Variants in PLOD2 observed in about 807,000 individuals in gnomAD.
PLOD2 encodes procollagen-lysine,2-oxoglutarate 5-dioxygenase 2.
PLOD2 carries 65 observed loss-of-function variants against 101.0 expected under a neutral mutation model. That is an observed-to-expected ratio of 0.64 (90% confidence interval 0.53 to 0.79). The LOEUF is 0.79. Ranked by LOEUF, PLOD2 falls within the 30% of genes least tolerant of loss-of-function variation. PLOD2 has a pLI of 0.00. For synonymous variants in PLOD2, 314 were observed against 302.9 expected (o/e 1.04, Z -0.38); for missense variants, 909 against 914.6 (o/e 0.99, Z 0.08).
intron 2 of PLOD2, 73 bp from the exon 3 acceptor site, chr3:146,121,321 A>T: frequency 2.4e-6 from 3 of 1,253,202 alleles, no homozygotes; most frequent in Non-Finnish European, 3.5e-6. Flanking sequence ...ACTTAAAGAC[A>T]TCATCAACTT....
chr3:146,134,972 A>G (rs2031145793), intron 1 of PLOD2, among the ~76,000 whole-genome samples: 2 of 152,244 alleles, frequency 1.3e-5, no homozygotes, highest in South Asian at 4.1e-4. Flanking sequence ...CAGACCTGAT[A>G]AAGCGTGGTG....
chr3:146,124,178 C>A lies in PLOD2; in HGVS notation c.161G>T (p.Arg54Leu), dbSNP rs148641011. Reference protein sequence around the residue: ...VATKESDGFHRFMQSAKYFNY... With the variant: ...VATKESDGFHLFMQSAKYFNY... ...GAAATATTTGGCTGACTGCATAAAT[C>A]GATGGAATCCATCACTTTCTTTTGT... The change falls in exon 2 of 20, where the codon CGA becomes CTA. Residue 54 changes from arginine (R) to leucine (L), a missense_variant. Arg to Leu is a moderately radical substitution (Grantham distance 102). Transcript: ENST00000282903. The A allele has an allele frequency of 1.9e-6, 3 of 1,596,504 alleles. No homozygotes were observed. The highest frequency in any genetic ancestry group is 1.7e-6 in the Non-Finnish European group (2 of 1,164,850).
At chr3:146,134,391 T>C (rs1451967927) in intron 1 of PLOD2, among the ~76,000 whole-genome samples, 2 of 152,230 alleles carry the variant, frequency 1.3e-5, no homozygotes, top group African/African-American at 4.8e-5. Flanking sequence ...CTAGATATAA[T>C]TTTAATGTCA....
chr3:146,089,939 C>T (rs912897692), intron 8 of PLOD2, among the ~76,000 whole-genome samples: 1 of 151,352 alleles, frequency 6.6e-6, no homozygotes, highest in African/African-American at 2.4e-5. Context: ...ATTTAAGTAA[C>T]CCAGAACACA....
At chr3:146,146,919 A>C (rs1344573415) in intron 1 of PLOD2, among the ~76,000 whole-genome samples, 1 of 152,164 alleles carries the variant, frequency 6.6e-6, no homozygotes, top group Admixed American at 6.6e-5. Context: ...CCTGACCAAC[A>C]TAGGGTTCCT....
chr3:146,113,985 C>T lies in PLOD2; in HGVS notation c.339-3537G>A, dbSNP rs187847729. On this transcript the variant is annotated intron_variant, in intron 3 of 19. Transcript: ENST00000282903. ...CCTAGGGGTAGGTCTCTAAAATGGC[C>T]GCTCTAGGAATGTCTGTCTTACACG... Among the ~76,000 whole-genome samples, 22 of 152,154 alleles carry T rather than the reference C, an allele frequency of 1.4e-4. No individual in the cohort carries two copies. The East Asian group carries it at 2.1e-3, about 15-fold the overall frequency.
intron 1 of PLOD2, among the ~76,000 whole-genome samples, chr3:146,129,805 T>C (rs975057920): frequency 6.6e-5 from 10 of 152,182 alleles, no homozygotes; most frequent in Admixed American, 5.9e-4. Flanking sequence ...CAAGTAACTC[T>C]AGATACGCCT....
intron 5 of PLOD2, among the ~76,000 whole-genome samples, chr3:146,105,605 C>A (rs775143250): frequency 6.6e-6 from 1 of 152,212 alleles, no homozygotes; most frequent in Non-Finnish European, 1.5e-5. Context: ...ATTCACATGT[C>A]ATTTCAAAAT....
At chr3:146,113,807 A>T (rs1247970518) in intron 3 of PLOD2, among the ~76,000 whole-genome samples, 1 of 152,192 alleles carries the variant, frequency 6.6e-6, no homozygotes, top group African/African-American at 2.4e-5. Flanking sequence ...GATAACAGCG[A>T]TGTTCAGGGA....
At chr3:146,092,250 A>T (rs1045770824) in intron 7 of PLOD2, among the ~76,000 whole-genome samples, 1 of 152,112 alleles carries the variant, frequency 6.6e-6, no homozygotes, top group Non-Finnish European at 1.5e-5. Context: ...GGAAAAATAC[A>T]AATAAGAGTC....
chr3:146,078,475 A>C (rs369349509), intron 13 of PLOD2, among the ~76,000 whole-genome samples: 3 of 151,876 alleles, frequency 2.0e-5, no homozygotes, highest in African/African-American at 4.8e-5. Context: ...ACCAAAAATC[A>C]TATCAATATA....
chr3:146,115,105 A>T (rs1192903076), intron 3 of PLOD2, among the ~76,000 whole-genome samples: 4 of 152,098 alleles, frequency 2.6e-5, no homozygotes, highest in Admixed American at 6.6e-5. Context: ...CCAGCTTTAA[A>T]ATTTCTCTCT....
chr3:146,087,658 CAT>C (rs1936828423), intron 9 of PLOD2, among the ~76,000 whole-genome samples: 1 of 150,976 alleles, frequency 6.6e-6, no homozygotes, highest in African/African-American at 2.4e-5. Context: ...ATAAAAGCAA[CAT>C]AGAGTTAATA....
Position 146,106,650 on chromosome 3 carries a change from A to G in PLOD2, c.503-6T>C. On this transcript the variant is annotated splice_polypyrimidine_tract_variant and splice_region_variant and intron_variant, in intron 4 of 19. Coordinates refer to ENST00000282903, the MANE Select transcript of PLOD2 (RefSeq NM_182943.3). Reference sequence around the variant, plus strand: ...TGGAGCATAGCCAATAAATCCTGCAACACAGCAGAGAGAAAGTAGATAATT... The same window carrying G: ...TGGAGCATAGCCAATAAATCCTGCAGCACAGCAGAGAGAAAGTAGATAATT... 2.2e-6 allele frequency: 3 copies of G among 1,345,136 alleles called. No homozygotes were observed. Among genetic ancestry groups the G allele is most frequent in the African/African-American group, 2.9e-5 (2 of 69,670 alleles). The allele number at this position is 1,345,136 out of a possible 1,614,324, so 83.3% of individuals were successfully genotyped here.
At chr3:146,108,781 G>A (rs1421974609) in intron 4 of PLOD2, among the ~76,000 whole-genome samples, 2 of 152,048 alleles carry the variant, frequency 1.3e-5, no homozygotes, top group East Asian at 1.9e-4. Context: ...AACCACCTGA[G>A]TACATACATC....
intron 7 of PLOD2, among the ~76,000 whole-genome samples, chr3:146,099,882 T>A (rs1447612546): frequency 2.1e-5 from 3 of 142,630 alleles, no homozygotes; most frequent in East Asian, 4.0e-4. Flanking sequence ...GTGACCAACT[T>A]TTTTTTTTTT....
chr3:146,104,926 G>C (rs1937511248), intron 5 of PLOD2: 1 of 152,254 alleles, frequency 6.6e-6, no homozygotes, highest in Non-Finnish European at 1.5e-5. Flanking sequence ...CTTCTAGAAA[G>C]GCAACTTAAA....
rs1416251981 is a variant in PLOD2 at position 146,070,806 on chromosome 3, T to G, written c.2188A>C (p.Met730Leu). Residue 730 changes from methionine (M) to leucine (L), a missense_variant, in exon 20 of 20, where the codon ATG becomes CTG. Met to Leu is a conservative substitution (Grantham distance 15). Transcript: ENST00000282903. ...IESPRKGWSF[M>L]HPGRLTHLHE... ...AAATGTGTGAGTCTCCCAGGATGCA[T>G]GAAGCTCCAGCCTTTTCGTGGTGAC... is the stretch of plus-strand genomic sequence containing the variant. 2 of 1,610,252 alleles carry G rather than the reference T, an allele frequency of 1.2e-6. No individual in the cohort carries two copies. The highest frequency in any genetic ancestry group is 2.7e-5 in the African/African-American group (2 of 74,742).
intron 6 of PLOD2, 50 bp downstream of exon 6, chr3:146,104,226 AAAC>A (rs1168944794): frequency 6.0e-6 from 6 of 993,864 alleles, no homozygotes; most frequent in Non-Finnish European, 9.8e-6. Flanking sequence ...AGATAGTTGA[AAAC>A]ACAGGTGTTT....
Sources: allele counts gnomAD v4.1 joint callset (sites outside exome capture counted in the v4.1 genomes callset), GRCh38; gene constraint gnomAD v4.1.1; transcripts MANE v1.5; gene names NCBI Gene and HGNC (gene_info 2026-07-23, HGNC 2026-07-21).